CD5: variants seen among roughly 807,000 people sequenced by gnomAD.
CD5 encodes the protein CD5 molecule.
In CD5, 36 loss-of-function variants were observed where a neutral mutation model predicts 60.3. That is an observed-to-expected ratio of 0.60 (90% confidence interval 0.46 to 0.79). CD5 has a LOEUF of 0.79. Ranked by LOEUF, CD5 falls within the 30% of genes least tolerant of loss-of-function variation. CD5 has a pLI of 0.00. For synonymous variants in CD5, 230 were observed against 257.6 expected (o/e 0.89, Z 1.03); for missense variants, 540 against 630.6 (o/e 0.86, Z 1.54).
chr11:61,123,543 G>A (rs892161043), intron 7 of CD5, among the ~76,000 whole-genome samples: 2 of 152,174 alleles, frequency 1.3e-5, no homozygotes, highest in Non-Finnish European at 2.9e-5. Flanking sequence ...AAGTGAGAGG[G>A]GAGAGATTGG....
chr11:61,111,635 G>GAA (rs1173358651), intron 1 of CD5, among the ~76,000 whole-genome samples: 1 of 152,232 alleles, frequency 6.6e-6, no homozygotes, highest in Non-Finnish European at 1.5e-5. Context: ...TTGCAAACTT[G>GAA]AAAAGTCGTA....
chr11:61,123,832 C>T lies in CD5; in HGVS notation c.1226-52C>T, dbSNP rs150179375. Reference sequence around the variant, plus strand: ...CCCCATCCCCACCCCTGCCTGCCCCCACCCATACCTGCCCCCACCACTCTG... The same window carrying T: ...CCCCATCCCCACCCCTGCCTGCCCCTACCCATACCTGCCCCCACCACTCTG... On this transcript the variant is annotated intron_variant, in intron 7 of 10. Transcript: ENST00000347785. 1.9e-4 allele frequency: 198 copies of T among 1,036,670 alleles called. 1 individual carries two copies. The East Asian group carries it at 4.8e-3, about 25-fold the overall frequency. 64.2% of individuals were successfully genotyped at this position (1,036,670 alleles called of 1,614,324 possible). A position where few individuals can be genotyped will look rare whatever the true frequency, so the allele number is the denominator to read the frequency against.
chr11:61,123,971 G>A, intron 8 of CD5, 34 bp downstream of exon 8: 1 of 1,555,472 alleles, frequency 6.4e-7, no homozygotes, highest in Non-Finnish European at 8.9e-7. Context: ...CCTCCCTCAG[G>A]CCCTGGACAG....
At chr11:61,123,962 C>T in intron 8 of CD5, 25 bp downstream of exon 8, 1 of 1,593,354 alleles carries the variant, frequency 6.3e-7, no homozygotes, top group Non-Finnish European at 8.6e-7. Flanking sequence ...AGGCAGGAGC[C>T]TCCCTCAGGC....
intron 1 of CD5, among the ~76,000 whole-genome samples, chr11:61,114,108 A>C (rs1274020343): frequency 1.3e-5 from 2 of 151,980 alleles, no homozygotes; most frequent in African/African-American, 4.8e-5. Context: ...TTTTTTATTT[A>C]TTTAAAACAA....
At chr11:61,122,487 G>GTGGATGGA (rs377071919) in intron 6 of CD5, among the ~76,000 whole-genome samples, 15 of 150,110 alleles carry the variant, frequency 1.0e-4, no homozygotes, top group African/African-American at 3.7e-4. Flanking sequence ...GGATGGGTGA[G>GTGGATGGA]TGGATGGATG....
Position 61,116,432 on chromosome 11 carries a change from C to CCA in CD5, c.94+1350_94+1351dup, listed in dbSNP as rs538360624. Among the ~76,000 whole-genome samples the CCA allele has an allele frequency of 2.7e-4, 38 of 143,008 alleles. No individual in the cohort carries two copies. In the East Asian group the frequency reaches 5.6e-3, roughly 21 times the overall value. 93.8% of individuals were successfully genotyped at this position (143,008 alleles called of 152,430 possible). On this transcript the variant is annotated intron_variant, in intron 2 of 10. Coordinates refer to ENST00000347785, the MANE Select transcript of CD5 (RefSeq NM_014207.4). ...CACACCACACATACACACAACCACACCACACACACACACCACCACAAACAC... is the reference window on the plus strand; with the variant it reads ...CACACCACACATACACACAACCACACCACACACACACACACCACCACAAACAC...
intron 1 of CD5, among the ~76,000 whole-genome samples, chr11:61,106,080 G>A (rs57362092): frequency 0.038 from 5,201 of 138,622 alleles, 256 homozygotes; most frequent in African/African-American, 0.12. Flanking sequence ...AGCCGAGATC[G>A]CGCCATTGCA....
chr11:61,100,995 TCA>T (rs1248232247), upstream of CD5, among the ~76,000 whole-genome samples: 6 of 98,262 alleles, frequency 6.1e-5, no homozygotes, highest in Admixed American at 2.1e-4. Context: ...AACATGGAGA[TCA>T]CACACACACA....
chr11:61,111,118 G>A (rs1483798195), intron 1 of CD5, among the ~76,000 whole-genome samples: 2 of 152,182 alleles, frequency 1.3e-5, no homozygotes, highest in Non-Finnish European at 2.9e-5. Flanking sequence ...CAAGACCTAG[G>A]CTGTTCTGTG....
intron 5 of CD5, among the ~76,000 whole-genome samples, chr11:61,120,171 G>A (rs941490073): frequency 3.9e-5 from 6 of 152,184 alleles, no homozygotes; most frequent in Admixed American, 2.0e-4. Flanking sequence ...AGGTGAGACT[G>A]AGTCTGTGAG....
At chr11:61,103,294 G>GGA (rs1860727764) in intron 1 of CD5, among the ~76,000 whole-genome samples, 1 of 152,198 alleles carries the variant, frequency 6.6e-6, no homozygotes, top group Non-Finnish European at 1.5e-5. Flanking sequence ...GCCTCTCCAG[G>GGA]CCTTGATCTC....
In CD5 at chr11:61,121,830, G is replaced by A; in HGVS notation, c.1025G>A (p.Cys342Tyr). Residue 342 changes from cysteine to tyrosine, a missense_variant, in exon 6 of 11, where the codon TGT becomes TAT. Coordinates refer to ENST00000347785, the MANE Select transcript of CD5 (RefSeq NM_014207.4). The part of the protein sequence containing the change: ...AGDPTSRGLF[C>Y]PHQKLSQCHE... ...GACCCAACATCCCGGGGGCTCTTCT[G>A]TCCCCATCAGAAGCTGTCCCAGTGC... 1 of 1,599,918 alleles carries A rather than the reference G, an allele frequency of 6.3e-7. No individual in the cohort carries two copies. The highest frequency in any genetic ancestry group is 1.1e-5 in the South Asian group (1 of 90,096).
chr11:61,123,136 C>A, intron 7 of CD5, 104 bp downstream of exon 7: 1 of 1,315,692 alleles, frequency 7.6e-7, no homozygotes, highest in Admixed American at 2.5e-5. Flanking sequence ...GAGCTGGGCA[C>A]GCAGGACACC....
At position 61,119,110 on chromosome 11, in the gene CD5, C is replaced by G; in HGVS notation, c.464-124C>G. ...TGTGTTCTACGCAATATTTGGGACC[C>G]CATCACCTCCCAAGGCTAAGCGTTA... is the stretch of plus-strand genomic sequence containing the variant. On this transcript the variant is annotated intron_variant, in intron 4 of 10. Coordinates refer to ENST00000347785, the MANE Select transcript of CD5 (RefSeq NM_014207.4). The G allele has an allele frequency of 3.5e-6, 4 of 1,157,930 alleles. No individual in the cohort carries two copies. In the South Asian group the frequency reaches 4.4e-5, roughly 13 times the overall value. 71.7% of individuals were successfully genotyped at this position (1,157,930 alleles called of 1,614,324 possible). A position where few individuals can be genotyped will look rare whatever the true frequency, so the allele number is the denominator to read the frequency against.
chr11:61,115,176 G>A (rs376496814), intron 2 of CD5, 82 bp downstream of exon 2: 55 of 1,310,820 alleles, frequency 4.2e-5, no homozygotes, highest in East Asian at 3.3e-4. Context: ...GGGACCTCTC[G>A]ATGAAGCCAT....
chr11:61,106,190 G>T (rs1045227212), intron 1 of CD5, among the ~76,000 whole-genome samples: 5 of 150,672 alleles, frequency 3.3e-5, no homozygotes, highest in Admixed American at 3.3e-4. Context: ...GTGCAATGAG[G>T]AGAACAGCAA....
chr11:61,115,079 A>G lies in CD5; in HGVS notation c.79A>G (p.Ser27Gly). Residue 27 changes from serine (S) to glycine (G), a missense_variant, in exon 2 of 11, where the codon AGC becomes GGC. Physicochemically the swap from Ser to Gly is moderately conservative, Grantham distance 56. Transcript: ENST00000347785. ...MLVASCLGRL[S>G]WYDPDFQARL... is the part of the protein sequence containing the mutation. The stretch of plus-strand genomic sequence containing the variant: ...AGTCGCTTCCTGCCTCGGACGGCTC[A>G]GCTGGTATGACCCAGGTAAGGAAGA... The G allele has an allele frequency of 1.9e-6, 3 of 1,558,634 alleles. No individual in the cohort carries two copies. In the South Asian group the frequency reaches 3.6e-5, roughly 18 times the overall value.
intron 5 of CD5, among the ~76,000 whole-genome samples, chr11:61,121,198 GTCC>G (rs1296070771): frequency 6.6e-6 from 1 of 152,252 alleles, no homozygotes; most frequent in African/African-American, 2.4e-5. Context: ...CTTCTGAAAA[GTCC>G]TCCTTCTTCC....
Sources: allele counts gnomAD v4.1 joint callset (sites outside exome capture counted in the v4.1 genomes callset), GRCh38; gene constraint gnomAD v4.1.1; transcripts MANE v1.5; gene names NCBI Gene and HGNC (gene_info 2026-07-23, HGNC 2026-07-21).